The following PRKN variants were observed in gnomAD, a reference collection of about 807,000 sequenced individuals.
The protein encoded by PRKN is E3 ubiquitin-protein ligase parkin.
A neutral mutation model predicts 59.5 loss-of-function variants in PRKN; 56 were observed. The ratio of observed to expected loss-of-function variants is 0.94; its 90% CI spans 0.76 to 1.18. The LOEUF is 1.18. Ranked by LOEUF, PRKN falls within the 50% of genes most tolerant of loss-of-function variation. PRKN has a pLI of 0.00. For synonymous variants in PRKN, 250 were observed against 222.1 expected (o/e 1.13, Z -1.12); for missense variants, 657 against 596.4 (o/e 1.10, Z -1.06).
At chr6:161,746,660 ATATATG>A (rs1410503160) in intron 7 of PRKN, among the ~76,000 whole-genome samples, 1 of 146,646 alleles carries the variant, frequency 6.8e-6, no homozygotes, top group African/African-American at 2.5e-5. Flanking sequence ...CTATATAGAT[ATATATG>A]TATATCTATA....
At chr6:161,966,390 G>T (rs1210266817) in intron 6 of PRKN, among the ~76,000 whole-genome samples, 1 of 150,892 alleles carries the variant, frequency 6.6e-6, no homozygotes, top group Non-Finnish European at 1.5e-5. Flanking sequence ...TGAAGGAGCA[G>T]AAATATCAAT....
intron 2 of PRKN, among the ~76,000 whole-genome samples, chr6:162,437,233 T>C (rs572780059): frequency 6.6e-6 from 1 of 152,184 alleles, no homozygotes; most frequent in African/African-American, 2.4e-5. Flanking sequence ...TCTCATTTCT[T>C]ATGTTAAATA....
chr6:162,660,755 T>C (rs1201132499), intron 1 of PRKN, among the ~76,000 whole-genome samples: 1 of 151,872 alleles, frequency 6.6e-6, no homozygotes, highest in African/African-American at 2.4e-5. Flanking sequence ...GCTGTCCACA[T>C]GGTCTGTTCA....
chr6:161,536,258 C>T (rs966667635), intron 9 of PRKN, among the ~76,000 whole-genome samples: 5 of 152,010 alleles, frequency 3.3e-5, no homozygotes, highest in Non-Finnish European at 7.4e-5. Flanking sequence ...GGAGTGGCTT[C>T]AGAGCTGATG....
chr6:162,721,645 T>C (rs764053733), intron 1 of PRKN, among the ~76,000 whole-genome samples: 65 of 152,322 alleles, frequency 4.3e-4, no homozygotes, highest in Middle Eastern at 3.4e-3. Context: ...GGCTGAGTTT[T>C]CCAGTACTTC....
chr6:161,507,627 T>C (rs998401178), intron 9 of PRKN, among the ~76,000 whole-genome samples: 10 of 152,148 alleles, frequency 6.6e-5, no homozygotes, highest in South Asian at 6.2e-4. Context: ...CTCTCTTCCT[T>C]TGAGCCCTTC....
intron 6 of PRKN, among the ~76,000 whole-genome samples, chr6:161,971,286 G>A (rs1780796378): frequency 6.6e-6 from 1 of 152,124 alleles, no homozygotes; most frequent in South Asian, 2.1e-4. Flanking sequence ...AACGGGGAGG[G>A]CAACGCTCTT....
At chr6:161,670,245 A>G (rs956015106) in intron 7 of PRKN, among the ~76,000 whole-genome samples, 2 of 152,034 alleles carry the variant, frequency 1.3e-5, no homozygotes, top group Non-Finnish European at 2.9e-5. Context: ...GAGGTAGGAG[A>G]TAATGAAGGG....
chr6:162,645,582 T>C (rs1778139464), intron 1 of PRKN, among the ~76,000 whole-genome samples: 1 of 152,164 alleles, frequency 6.6e-6, no homozygotes, highest in African/African-American at 2.4e-5. Flanking sequence ...GTTGTTTAGC[T>C]GTATGGGCCA....
chr6:161,958,332 G>A (rs1279577301), intron 6 of PRKN, among the ~76,000 whole-genome samples: 2 of 152,094 alleles, frequency 1.3e-5, no homozygotes, highest in Non-Finnish European at 2.9e-5. Flanking sequence ...ACCATATGAA[G>A]ATTCAGTAGG....
At chr6:161,735,965 C>T (rs1197308177) in intron 7 of PRKN, among the ~76,000 whole-genome samples, 1 of 152,106 alleles carries the variant, frequency 6.6e-6, no homozygotes, top group Admixed American at 6.6e-5. Flanking sequence ...TTGCATCCTT[C>T]TTCTTAAAAA....
chr6:161,394,125 G>A (rs1786640105), intron 9 of PRKN, among the ~76,000 whole-genome samples: 1 of 152,196 alleles, frequency 6.6e-6, no homozygotes. Flanking sequence ...CCACAGAACG[G>A]AGATGGTGTT....
intron 6 of PRKN, among the ~76,000 whole-genome samples, chr6:161,956,675 A>G (rs1257448152): frequency 2.0e-5 from 3 of 152,200 alleles, no homozygotes. Context: ...CTCTCTCCAT[A>G]TGGACTAGGA....
intron 7 of PRKN, among the ~76,000 whole-genome samples, chr6:161,768,344 T>A (rs969861171): frequency 6.6e-6 from 1 of 152,242 alleles, no homozygotes; most frequent in Non-Finnish European, 1.5e-5. Context: ...GTACATTTTA[T>A]ATGTTTATAG....
At position 162,727,703 on chromosome 6, in the gene PRKN, CAGGCCCATGCGCGCAGCGGCGCCA is replaced by C; in HGVS notation, c.-59_-36del. The C allele has an allele frequency of 6.4e-7, 1 of 1,562,234 alleles. No individual in the cohort carries two copies. The highest frequency in any genetic ancestry group is 1.2e-5 in the South Asian group (1 of 84,972). The stretch of plus-strand genomic sequence containing the variant: ...GTAGGTGGCGGCTGCGGGCCAGGAA[CAGGCCCATGCGCGCAGCGGCGCCA>C]GCCGCGCCTCCCACCAGCGGCTCTC... On this transcript the variant is annotated 5_prime_UTR_variant, in exon 1 of 12. It removes an upstream start codon present in the reference 5' UTR. Transcript: ENST00000366898.
intron 1 of PRKN, among the ~76,000 whole-genome samples, chr6:162,509,765 GTTTA>G (rs945440038): frequency 9.2e-5 from 14 of 152,160 alleles, no homozygotes; most frequent in Non-Finnish European, 1.3e-4. Context: ...ACATCGTTCT[GTTTA>G]TTTATTTTTA....
At position 161,833,127 on chromosome 6, in the gene PRKN, C is replaced by T. The variant is rs1351442744; in HGVS notation, c.735-47219G>A. Among the ~76,000 whole-genome samples, 8 of 152,090 alleles carry T rather than the reference C, an allele frequency of 5.3e-5. No individual in the cohort carries two copies. In the South Asian group the frequency reaches 1.0e-3, roughly 20 times the overall value. On this transcript the variant is annotated intron_variant, in intron 6 of 11. Transcript: ENST00000366898. Reference sequence around the variant, plus strand: ...TATGGAACAACCGGGAGGAAGGAGACGGAGCCCGCTCTAAGAGATGGTGCC... The same window carrying T: ...TATGGAACAACCGGGAGGAAGGAGATGGAGCCCGCTCTAAGAGATGGTGCC...
intron 6 of PRKN, among the ~76,000 whole-genome samples, chr6:161,963,374 A>T (rs1780459366): frequency 6.6e-6 from 1 of 152,246 alleles, no homozygotes; most frequent in South Asian, 2.1e-4. Flanking sequence ...AGCACCTGTG[A>T]CATCTCTAGG....
chr6:162,174,349 A>T (rs1783435529), intron 4 of PRKN, among the ~76,000 whole-genome samples: 1 of 152,190 alleles, frequency 6.6e-6, no homozygotes, highest in Admixed American at 6.5e-5. Flanking sequence ...GCTAAATAAA[A>T]GTCAGCTGAA....
Sources: gnomAD v4.1 joint callset for allele counts (sites outside exome capture counted in the v4.1 genomes callset) on GRCh38, gnomAD v4.1.1 for gene constraint, MANE v1.5 for transcripts, NCBI Gene and HGNC (gene_info 2026-07-23, HGNC 2026-07-21) for gene names.